The following AFAP1L2 variants were observed in gnomAD, a reference collection of about 807,000 sequenced individuals.
AFAP1L2 encodes the protein actin filament associated protein 1 like 2.
AFAP1L2 carries 46 observed loss-of-function variants against 99.3 expected under a neutral mutation model. That is an observed-to-expected ratio of 0.46 (90% CI 0.37 to 0.59). The LOEUF (loss-of-function observed/expected upper bound fraction) is 0.59, where lower values mean the gene tolerates loss of function less well. Among genes scored for constraint, AFAP1L2 ranks in the 20% least tolerant of loss-of-function variants. The pLI, the probability that AFAP1L2 is intolerant of heterozygous loss-of-function variation, is 0.00. For missense variants in AFAP1L2, 959 were observed against 1,034.9 expected (o/e 0.93, Z 1.01); for synonymous variants, 397 against 419.1 (o/e 0.95, Z 0.64).
At chr10:114,293,998 T>C (rs1440394062), downstream of AFAP1L2, among the ~76,000 whole-genome samples, 3 of 152,222 alleles carry the variant, frequency 2.0e-5, no homozygotes, top group African/African-American at 7.2e-5. Flanking sequence ...TAAGAGTGTT[T>C]ATTACATGTT....
intron 1 of AFAP1L2, among the ~76,000 whole-genome samples, chr10:114,359,891 A>T (rs887225038): frequency 6.6e-6 from 1 of 151,922 alleles, no homozygotes; most frequent in Admixed American, 6.6e-5. Context: ...TCCTGTTTTA[A>T]CTGGTGTCCT....
At chr10:114,326,804 G>A (rs960097049) in intron 4 of AFAP1L2, among the ~76,000 whole-genome samples, 1 of 152,012 alleles carries the variant, frequency 6.6e-6, no homozygotes, top group Non-Finnish European at 1.5e-5. Flanking sequence ...GTTGCTGTAA[G>A]GATTGAAGTG....
At chr10:114,374,799 T>C (rs950127579) in intron 1 of AFAP1L2, among the ~76,000 whole-genome samples, 1 of 113,796 alleles carries the variant, frequency 8.8e-6, no homozygotes, top group Non-Finnish European at 1.7e-5. Flanking sequence ...TTTAGAGAGC[T>C]AGGCGTGTGG....
chr10:114,353,524 T>C (rs940371959), intron 1 of AFAP1L2, among the ~76,000 whole-genome samples: 7 of 152,172 alleles, frequency 4.6e-5, no homozygotes, highest in African/African-American at 1.2e-4. Context: ...CATCCCCAGA[T>C]TTGAAGCCAA....
At chr10:114,344,590 C>T (rs1362001290) in intron 1 of AFAP1L2, among the ~76,000 whole-genome samples, 5 of 152,184 alleles carry the variant, frequency 3.3e-5, no homozygotes, top group Non-Finnish European at 7.3e-5. Flanking sequence ...CTGGGCCTGG[C>T]CCTGGGGAAA....
At chr10:114,362,231 T>C (rs2052537004) in intron 1 of AFAP1L2, among the ~76,000 whole-genome samples, 1 of 152,216 alleles carries the variant, frequency 6.6e-6, no homozygotes, top group East Asian at 1.9e-4. Flanking sequence ...ATGTTATTAC[T>C]ACCCACTGCA....
chr10:114,353,651 TA>T (rs952544491), intron 1 of AFAP1L2, among the ~76,000 whole-genome samples: 3 of 152,130 alleles, frequency 2.0e-5, no homozygotes, highest in Non-Finnish European at 2.9e-5. Context: ...CTTACATTGG[TA>T]AAGATTTGCT....
chr10:114,299,058 T>C (rs990875368), intron 16 of AFAP1L2, among the ~76,000 whole-genome samples: 2 of 152,190 alleles, frequency 1.3e-5, no homozygotes, highest in Non-Finnish European at 2.9e-5. Context: ...CGTCAGAGGC[T>C]TTCTCTCTCT....
At chr10:114,308,258 C>G (rs1223112880) in intron 9 of AFAP1L2, among the ~76,000 whole-genome samples, 175 bp downstream of exon 9, 1 of 152,178 alleles carries the variant, frequency 6.6e-6, no homozygotes, top group East Asian at 1.9e-4. Flanking sequence ...TTTCATGAAG[C>G]TTAACTTCAA....
intron 11 of AFAP1L2, among the ~76,000 whole-genome samples, chr10:114,303,921 A>G (rs1282539840): frequency 6.6e-6 from 1 of 152,200 alleles, no homozygotes; most frequent in Non-Finnish European, 1.5e-5. Flanking sequence ...TAGCCCAGCG[A>G]TTGGCTGGGT....
chr10:114,331,833 C>T lies in AFAP1L2; in HGVS notation c.285G>A (p.Lys95=), dbSNP rs1055412534. ...TGGGTGGCGGGAGGTCTGGAAGGCTCTTCTGAGGGGCCGAGGAGTGCTGGC... is the reference window on the plus strand; with the variant it reads ...TGGGTGGCGGGAGGTCTGGAAGGCTTTTCTGAGGGGCCGAGGAGTGCTGGC... ...EPSQHSSAPQ[K]SLPDLPPPKM... is the part of the protein sequence containing the mutation. The change falls in exon 4 of 19, where the codon AAG becomes AAA. Residue 95 remains lysine (K), a synonymous_variant. Transcript: ENST00000304129. The T allele has an allele frequency of 2.6e-5, 36 of 1,394,622 alleles. No homozygotes were observed. The highest frequency in any genetic ancestry group is 3.4e-5 in the Non-Finnish European group (36 of 1,065,968). The allele number at this position is 1,394,622 out of a possible 1,614,324, so 86.4% of individuals were successfully genotyped here. A position where few individuals can be genotyped will look rare whatever the true frequency, so the allele number is the denominator to read the frequency against.
At chr10:114,299,236 C>T (rs952563539) in intron 16 of AFAP1L2, 24 bp downstream of exon 16, 1 of 1,613,322 alleles carries the variant, frequency 6.2e-7, no homozygotes, top group Non-Finnish European at 8.5e-7. Context: ...GCTGAGGGTC[C>T]CTCCCCACTG....
intron 1 of AFAP1L2, among the ~76,000 whole-genome samples, chr10:114,358,250 G>A (rs547811813): frequency 6.6e-6 from 1 of 152,274 alleles, no homozygotes; most frequent in South Asian, 2.1e-4. Flanking sequence ...TAGAATTACA[G>A]TTAAGGAAAT....
intron 10 of AFAP1L2, among the ~76,000 whole-genome samples, chr10:114,305,424 TGCAGGAGGG>T (rs1278862337): frequency 4.0e-5 from 4 of 100,098 alleles, no homozygotes; most frequent in Admixed American, 2.0e-4. Context: ...GAGATGCAGA[TGCAGGAGGG>T]GACGCAGATG....
intron 4 of AFAP1L2, among the ~76,000 whole-genome samples, chr10:114,329,527 T>A (rs1030552751): frequency 6.6e-6 from 1 of 152,146 alleles, no homozygotes; most frequent in African/African-American, 2.4e-5. Flanking sequence ...GATACCTTGG[T>A]CAGAATCAGA....
At chr10:114,399,975 G>T (rs1394798342) in intron 1 of AFAP1L2, among the ~76,000 whole-genome samples, 1 of 152,168 alleles carries the variant, frequency 6.6e-6, no homozygotes, top group African/African-American at 2.4e-5. Flanking sequence ...GGAAACTGAG[G>T]CCTGGAGAGC....
the AFAP1L2 span, chr10:114,282,646 AATC>A: frequency 7.5e-7 from 1 of 1,339,526 alleles, no homozygotes; most frequent in East Asian, 2.3e-5. Flanking sequence ...TGGCTTTTAC[AATC>A]CTGGGACAGA....
In AFAP1L2 at chr10:114,297,423, G is replaced by A. The variant is rs955335454; in HGVS notation, c.2114-10C>T. 1.2e-6 allele frequency: 2 copies of A among 1,610,530 alleles called. No individual in the cohort carries two copies. Among genetic ancestry groups the A allele is most frequent in the Non-Finnish European group, 1.7e-6 (2 of 1,179,388 alleles). Reference sequence around the variant, plus strand: ...GCCAGGACTTCCTTGTCTGGAGAGAGAATTATGCAGGTGTCAGAGAACAGC... The same window carrying A: ...GCCAGGACTTCCTTGTCTGGAGAGAAAATTATGCAGGTGTCAGAGAACAGC... On this transcript the variant is annotated splice_polypyrimidine_tract_variant and intron_variant, in intron 16 of 18. Transcript: ENST00000304129.
the AFAP1L2 span, chr10:114,282,539 A>T: frequency 6.2e-7 from 1 of 1,613,468 alleles, no homozygotes; most frequent in Non-Finnish European, 8.5e-7. Context: ...TTCCTAACCC[A>T]CCCTGCCACC....
Sources: gnomAD v4.1 joint callset for allele counts (sites outside exome capture counted in the v4.1 genomes callset) on GRCh38, gnomAD v4.1.1 for gene constraint, MANE v1.5 for transcripts, NCBI Gene and HGNC (gene_info 2026-07-23, HGNC 2026-07-21) for gene names.